Variants in UNC5C observed in about 807,000 individuals in gnomAD.
The protein encoded by UNC5C is netrin receptor UNC5C.
Under a neutral mutation model 99.8 loss-of-function variants are expected in UNC5C, and 47 were observed. The observed-to-expected ratio is 0.47, with a 90% CI of 0.37 to 0.60. UNC5C has a LOEUF of 0.60. UNC5C is among the 20% of genes least tolerant of loss of function. UNC5C has a pLI of 0.00. For synonymous variants in UNC5C, 487 were observed against 452.2 expected (o/e 1.08, Z -0.98); for missense variants, 1,062 against 1,165.9 (o/e 0.91, Z 1.30).
rs370416782 is a variant in UNC5C at position 95,260,560 on chromosome 4, A to G, written c.595-9893T>C. Reference sequence around the variant, plus strand: ...GCTTTTCTCTCTCCCCACAGAAAGGATTCTGGGGCAGATGGGCTGGTCTAA... The same window carrying G: ...GCTTTTCTCTCTCCCCACAGAAAGGGTTCTGGGGCAGATGGGCTGGTCTAA... On this transcript the variant is annotated intron_variant, in intron 4 of 15. Coordinates refer to ENST00000453304, the MANE Select transcript of UNC5C (RefSeq NM_003728.4). 1.6e-4 allele frequency among the ~76,000 whole-genome samples: 24 copies of G among 152,306 alleles called. No individual in the cohort carries two copies. The East Asian group carries it at 2.5e-3, about 16-fold the overall frequency.
At chr4:95,493,893 A>T (rs1324370470) in intron 1 of UNC5C, among the ~76,000 whole-genome samples, 1 of 151,478 alleles carries the variant, frequency 6.6e-6, no homozygotes, top group Non-Finnish European at 1.5e-5. Context: ...GGAAATCTCC[A>T]CTACTATGTA....
intron 1 of UNC5C, among the ~76,000 whole-genome samples, chr4:95,528,403 A>T (rs1722551424): frequency 6.6e-6 from 1 of 152,188 alleles, no homozygotes; most frequent in South Asian, 2.1e-4. Flanking sequence ...AAAAGGAGAA[A>T]TATCTAACGT....
intron 14 of UNC5C, among the ~76,000 whole-genome samples, chr4:95,178,861 A>G (rs1443828725): frequency 6.6e-6 from 1 of 152,200 alleles, no homozygotes; most frequent in Non-Finnish European, 1.5e-5. Context: ...TTCTGTGTAG[A>G]TGAAACAAGC....
intron 4 of UNC5C, among the ~76,000 whole-genome samples, chr4:95,275,471 G>A (rs761865256): frequency 1.3e-5 from 2 of 152,096 alleles, no homozygotes; most frequent in Non-Finnish European, 2.9e-5. Flanking sequence ...CTTTATAGTT[G>A]AGGATACTTT....
chr4:95,172,272 G>T (rs886257196), intron 14 of UNC5C, among the ~76,000 whole-genome samples: 24 of 151,846 alleles, frequency 1.6e-4, no homozygotes, highest in South Asian at 6.2e-4. Context: ...TTTTGGCTTT[G>T]GTTGCCATTG....
chr4:95,488,651 A>G (rs540168784), intron 1 of UNC5C, among the ~76,000 whole-genome samples: 7 of 151,934 alleles, frequency 4.6e-5, no homozygotes, highest in African/African-American at 1.7e-4. Context: ...CTCGTAATAC[A>G]GATTAATGGT....
At chr4:95,439,738 A>G (rs1236261629) in intron 1 of UNC5C, among the ~76,000 whole-genome samples, 1 of 152,108 alleles carries the variant, frequency 6.6e-6, no homozygotes, top group Admixed American at 6.6e-5. Flanking sequence ...GTCAATTTGG[A>G]TTTGCTTAGA....
At position 95,169,385 on chromosome 4, in the gene UNC5C, A is replaced by T. The variant is rs752109152; in HGVS notation, c.2645T>A (p.Phe882Tyr). ...GCCAGTTGGGCTGGATTTGGTGGCA[A>T]AGTAATTCAAGTACCTGTAATTGGG... ...KLNLDRYLNY[F>Y]ATKSSPTGVI... Residue 882 changes from phenylalanine (F) to tyrosine (Y), a missense_variant, in exon 16 of 16, where the codon TTT becomes TAT. Coordinates refer to ENST00000453304, the MANE Select transcript of UNC5C (RefSeq NM_003728.4). 1 of 1,614,010 alleles carries T rather than the reference A, an allele frequency of 6.2e-7. No homozygotes were observed. The highest frequency in any genetic ancestry group is 2.2e-5 in the East Asian group (1 of 44,900).
intron 1 of UNC5C, among the ~76,000 whole-genome samples, chr4:95,413,819 A>G (rs2149453001): frequency 6.6e-6 from 1 of 152,340 alleles, no homozygotes; most frequent in Admixed American, 6.5e-5. Context: ...ATCTGGCTAC[A>G]CAGCTCCCTA....
chr4:95,431,415 C>A (rs548561274), intron 1 of UNC5C, among the ~76,000 whole-genome samples: 2 of 152,166 alleles, frequency 1.3e-5, no homozygotes, highest in Admixed American at 6.5e-5. Context: ...ATAATTTTCC[C>A]AGCTAATACC....
At chr4:95,523,418 C>CTTTCTT (rs3070362) in intron 1 of UNC5C, among the ~76,000 whole-genome samples, 6,649 of 152,138 alleles carry the variant, frequency 0.044, 227 homozygotes, top group Admixed American at 0.12. Context: ...TTCCCATCAC[C>CTTTCTT]TTTCTTTTGA....
chr4:95,415,858 A>T (rs1347224559), intron 1 of UNC5C, among the ~76,000 whole-genome samples: 5 of 151,940 alleles, frequency 3.3e-5, no homozygotes, highest in Non-Finnish European at 7.4e-5. Flanking sequence ...CTAAACAAAG[A>T]TCTTTACTTT....
At chr4:95,227,495 A>AT (rs1470353228) in intron 7 of UNC5C, among the ~76,000 whole-genome samples, 4 of 152,210 alleles carry the variant, frequency 2.6e-5, no homozygotes, top group African/African-American at 7.2e-5. Context: ...TAAAGCATAG[A>AT]TTTTCCTGAC....
chr4:95,410,979 G>A (rs1745970102), intron 1 of UNC5C, among the ~76,000 whole-genome samples: 1 of 152,164 alleles, frequency 6.6e-6, no homozygotes, highest in African/African-American at 2.4e-5. Context: ...GACAAATGCT[G>A]CAATAACAAT....
At chr4:95,177,033 G>A (rs533671528) in intron 14 of UNC5C, among the ~76,000 whole-genome samples, 1 of 152,294 alleles carries the variant, frequency 6.6e-6, no homozygotes, top group East Asian at 1.9e-4. Context: ...CCCTTTCTTT[G>A]ACTAGGAAAG....
intron 12 of UNC5C, 136 bp downstream of exon 12, chr4:95,202,595 T>G: frequency 1.3e-6 from 1 of 777,456 alleles, no homozygotes; most frequent in Admixed American, 2.7e-5. Context: ...CTTTTTTAAG[T>G]GCATCCTTTT....
Position 95,330,702 on chromosome 4 carries a change from A to C in UNC5C, c.346+4708T>G, listed in dbSNP as rs186800431. ...TAAATGATAATTTTCTACTTTCTTC[A>C]CTATTTTTGTACCTCTTCATTACTT... On this transcript the variant is annotated intron_variant, in intron 2 of 15. Transcript: ENST00000453304. Among the ~76,000 whole-genome samples the C allele has an allele frequency of 4.5e-3, 677 of 152,022 alleles. 4 individuals carry two copies. Among genetic ancestry groups the C allele is most frequent in the African/African-American group, 0.015 (628 of 41,502 alleles).
chr4:95,190,494 A>T (rs1182665268), intron 12 of UNC5C, among the ~76,000 whole-genome samples: 1 of 152,142 alleles, frequency 6.6e-6, no homozygotes, highest in African/African-American at 2.4e-5. Flanking sequence ...TAGAATAAAA[A>T]AATTTTTTTT....
At chr4:95,285,101 T>G (rs544184346) in intron 3 of UNC5C, among the ~76,000 whole-genome samples, 26 of 152,344 alleles carry the variant, frequency 1.7e-4, no homozygotes, top group Non-Finnish European at 2.9e-4. Flanking sequence ...TTATTCTAAT[T>G]TAAAAATGAT....
Sources: gnomAD v4.1 joint callset for allele counts (sites outside exome capture counted in the v4.1 genomes callset) on GRCh38, gnomAD v4.1.1 for gene constraint, MANE v1.5 for transcripts, NCBI Gene and HGNC (gene_info 2026-07-23, HGNC 2026-07-21) for gene names.